Variants in SSH1 observed in about 807,000 individuals in gnomAD.
The protein encoded by SSH1 is slingshot protein phosphatase 1.
A neutral mutation model predicts 79.7 loss-of-function variants in SSH1; 43 were observed. The ratio of observed to expected loss-of-function variants is 0.54; its 90% CI spans 0.42 to 0.70. SSH1 has a LOEUF of 0.70. SSH1 is among the 30% of genes least tolerant of loss of function. The probability of loss-of-function intolerance (pLI) is 0.00; values close to 1 mark genes in which losing one functional copy is unlikely to be tolerated. For missense variants in SSH1, 1,206 were observed against 1,358.8 expected (o/e 0.89, Z 1.77); for synonymous variants, 599 against 538.3 (o/e 1.11, Z -1.56).
intron 10 of SSH1, 74 bp downstream of exon 10, chr12:108,804,982 G>A: frequency 6.4e-7 from 1 of 1,574,660 alleles, no homozygotes; most frequent in Non-Finnish European, 8.7e-7. Context: ...TCCCGGACTT[G>A]CTACAAACTC....
intron 1 of SSH1, among the ~76,000 whole-genome samples, chr12:108,854,120 G>A (rs74649151): frequency 0.033 from 5,045 of 152,302 alleles, 274 homozygotes; most frequent in African/African-American, 0.11. Flanking sequence ...TAACCCAGTG[G>A]TTCTCAATGC....
chr12:108,809,714 G>A lies in SSH1; in HGVS notation c.515C>T (p.Pro172Leu). Residue 172 changes from proline to leucine, a missense_variant, in exon 7 of 15, where the codon CCT (proline) becomes CTT (leucine). This residue lies in a region of SSH1 where 115 missense variants were observed against 173.9 expected (regional missense o/e 0.66). Coordinates refer to ENST00000326495, the MANE Select transcript of SSH1 (RefSeq NM_018984.4). Reference sequence around the variant, plus strand: ...TTACCACATGGCCTGGACAGACACAGGCTTAAATATGTGCATCCTTCCTGC... The same window carrying A: ...TTACCACATGGCCTGGACAGACACAAGCTTAAATATGTGCATCCTTCCTGC... ...STAGRMHIFK[P>L]VSVQAMWSAL... The A allele has an allele frequency of 6.2e-7, 1 of 1,613,984 alleles. No individual in the cohort carries two copies. The highest frequency in any genetic ancestry group is 8.5e-7 in the Non-Finnish European group (1 of 1,179,934).
intron 2 of SSH1, among the ~76,000 whole-genome samples, chr12:108,828,382 C>A (rs372512938): frequency 6.6e-6 from 1 of 152,164 alleles, no homozygotes; most frequent in South Asian, 2.1e-4. Context: ...CTATCTGCCC[C>A]ACGCCCACCT....
chr12:108,828,633 C>T (rs947997721), intron 2 of SSH1, among the ~76,000 whole-genome samples: 7 of 152,072 alleles, frequency 4.6e-5, no homozygotes, highest in South Asian at 2.1e-4. Context: ...GAGACTGTGC[C>T]GGGGTTCTTC....
In SSH1 at chr12:108,787,659, C is replaced by T. The variant is rs766034562; in HGVS notation, c.*329G>A. 25 of 350,222 alleles carry T rather than the reference C, an allele frequency of 7.1e-5. No homozygotes were observed. Among genetic ancestry groups the T allele is most frequent in the East Asian group, 3.3e-4 (5 of 15,060 alleles). The allele number at this position is 350,222 out of a possible 1,614,324, so 21.7% of individuals were successfully genotyped here. A position where few individuals can be genotyped will look rare whatever the true frequency, so the allele number is the denominator to read the frequency against. Reference sequence around the variant, plus strand: ...ACCACCAGGACTCTTCTGCAGGATGCGAAGGGAACAGTCTGGATGTGTGCG... The same window carrying T: ...ACCACCAGGACTCTTCTGCAGGATGTGAAGGGAACAGTCTGGATGTGTGCG... On this transcript the variant is annotated 3_prime_UTR_variant, in exon 15 of 15. Transcript: ENST00000326495.
chr12:108,853,517 G>A (rs975178738), intron 1 of SSH1, among the ~76,000 whole-genome samples: 17 of 152,216 alleles, frequency 1.1e-4, no homozygotes, highest in African/African-American at 3.6e-4. Flanking sequence ...AGGGCTGATC[G>A]AGGACAGAAA....
rs1242210926 is a variant in SSH1, at chr12:108,788,851, C to G, written c.2287G>C (p.Asp763His). The G allele has an allele frequency of 1.2e-6, 2 of 1,614,198 alleles. No homozygotes were observed. Among genetic ancestry groups the G allele is most frequent in the Non-Finnish European group, 1.7e-6 (2 of 1,180,032 alleles). Residue 763 changes from aspartate (D) to histidine (H), a missense_variant, in exon 15 of 15, where the codon GAT becomes CAT. This residue lies in a region of SSH1 where 709 missense variants were observed against 730.6 expected (regional missense o/e 0.97). Coordinates refer to ENST00000326495, the MANE Select transcript of SSH1 (RefSeq NM_018984.4). ...KSLLLKNSHCDKNPPSTEVVI... is the reference protein window; with the variant it reads ...KSLLLKNSHCHKNPPSTEVVI... ...ACTTCTGTGCTGGGAGGGTTCTTAT[C>G]ACAGTGAGAATTCTTCAAAAGGAGG...
intron 10 of SSH1, among the ~76,000 whole-genome samples, chr12:108,803,677 T>C (rs2037130458): frequency 6.6e-6 from 1 of 152,200 alleles, no homozygotes; most frequent in South Asian, 2.1e-4. Flanking sequence ...AAGCTGAGAC[T>C]GTCCTCTTGC....
chr12:108,825,497 T>A (rs1055123847), intron 2 of SSH1, among the ~76,000 whole-genome samples: 1 of 152,240 alleles, frequency 6.6e-6, no homozygotes, highest in Non-Finnish European at 1.5e-5. Context: ...TCTGGTTAAA[T>A]GCTCATGCTA....
rs1565963578 is a variant in SSH1 at position 108,788,323 on chromosome 12, C to T, written c.2815G>A (p.Asp939Asn). The change falls in exon 15 of 15, where the codon GAT becomes AAT. Residue 939 changes from aspartate to asparagine, a missense_variant. Asp to Asn is a conservative substitution (Grantham distance 23). Coordinates refer to ENST00000326495, the MANE Select transcript of SSH1 (RefSeq NM_018984.4). ...SSNLTRSSSS[D>N]SIHSVRGKPG... ...TTCCCACGGACACTGTGGATGCTATCGCTGCTGGAGCTCCGGGTCAGGTTG... is the reference window on the plus strand; with the variant it reads ...TTCCCACGGACACTGTGGATGCTATTGCTGCTGGAGCTCCGGGTCAGGTTG... 7.4e-6 allele frequency: 12 copies of T among 1,613,120 alleles called. No homozygotes were observed. The highest frequency in any genetic ancestry group is 1.7e-5 in the Admixed American group (1 of 59,984).
At position 108,827,615 on chromosome 12, in the gene SSH1, A is replaced by C. The variant is rs1181525328; in HGVS notation, c.111-4254T>G. 3 of 1,194,246 alleles carry C rather than the reference A, an allele frequency of 2.5e-6. No individual in the cohort carries two copies. In the East Asian group the frequency reaches 9.8e-5, roughly 39 times the overall value. The allele number at this position is 1,194,246 out of a possible 1,614,324, so 74.0% of individuals were successfully genotyped here. On this transcript the variant is annotated intron_variant, in intron 2 of 14. Transcript: ENST00000326495. ...TCAGCAAAACAGCTGAGGTTCCTCT[A>C]ATCACTGCACTCCTACGGGCTTTTC...
Position 108,788,801 on chromosome 12 carries a change from G to C in SSH1, c.2337C>G (p.Pro779=). 1 of 1,614,200 alleles carries C rather than the reference G, an allele frequency of 6.2e-7. No individual in the cohort carries two copies. Among genetic ancestry groups the C allele is most frequent in the African/African-American group, 1.3e-5 (1 of 75,044 alleles). Residue 779 remains proline (P), a synonymous_variant, in exon 15 of 15, where the codon CCC becomes CCG. Coordinates refer to ENST00000326495, the MANE Select transcript of SSH1 (RefSeq NM_018984.4). ...CCTTGGCTGGCTTCATATCTTTCTT[G>C]GGTGACGATTCTTCCTTTATTACCA... The part of the protein sequence containing the change: ...TEVVIKEESS[P]KKDMKPAKDL...
chr12:108,787,868 TAGG>T lies in SSH1; in HGVS notation c.*117_*119del. 1 of 1,306,396 alleles carries T rather than the reference TAGG, an allele frequency of 7.7e-7. No homozygotes were observed. The highest frequency in any genetic ancestry group is 1.5e-5 in the African/African-American group (1 of 68,440). The allele number at this position is 1,306,396 out of a possible 1,614,324, so 80.9% of individuals were successfully genotyped here. On this transcript the variant is annotated 3_prime_UTR_variant, in exon 15 of 15. Transcript: ENST00000326495. ...TCTATGGCAAGAGTAGGGGAAAAGT[TAGG>T]ATGACTTCACTCGTTTAAGGGAAAT...
In SSH1 at chr12:108,857,421, G is replaced by A; in HGVS notation, c.69+7C>T. 9.2e-7 allele frequency: 1 copy of A among 1,084,070 alleles called. No individual in the cohort carries two copies. The highest frequency in any genetic ancestry group is 1.7e-5 in the African/African-American group (1 of 59,030). 67.2% of individuals were successfully genotyped at this position (1,084,070 alleles called of 1,614,324 possible). ...CCCAGGCCGGGCGCGGCGAGCCCGG[G>A]GCTCACCTCGCTGTTGCTGGCCGAG... On this transcript the variant is annotated splice_region_variant and intron_variant, in intron 1 of 14. Coordinates refer to ENST00000326495, the MANE Select transcript of SSH1 (RefSeq NM_018984.4). This position sits in a 1 kb window ranked among gnomAD's most constrained non-coding sequence, Gnocchi z 4.7.
rs71443819 is a variant in SSH1 at position 108,802,680 on chromosome 12, TG to T, written c.955-313del. The stretch of plus-strand genomic sequence containing the variant: ...CCCACTTCCTTTCCTAAGAGTCCAG[TG>T]GGGGGGGGTCCTGTAAGCAGAGGCA... On this transcript the variant is annotated intron_variant, in intron 10 of 14. Transcript: ENST00000326495. Among the ~76,000 whole-genome samples the T allele has an allele frequency of 7.9e-3, 1,173 of 149,260 alleles. 14 individuals are homozygous for T. The highest frequency in any genetic ancestry group is 0.024 in the African/African-American group (994 of 40,684).
At chr12:108,830,345 G>A (rs921900157) in intron 2 of SSH1, among the ~76,000 whole-genome samples, 2 of 152,098 alleles carry the variant, frequency 1.3e-5, no homozygotes, top group South Asian at 4.1e-4. Flanking sequence ...CCAGCTTCTT[G>A]GGAAGCTGAG....
rs769450822 is a variant in SSH1, at chr12:108,823,231, G to A, written c.214+27C>T. On this transcript the variant is annotated intron_variant, in intron 3 of 14. Transcript: ENST00000326495. ...TGCTGTCCAGAAAAGAAGCTCCAAT[G>A]TAAGAGTATCAACTTAGAGCCCTCA... is the stretch of plus-strand genomic sequence containing the variant. 1.7e-5 allele frequency: 27 copies of A among 1,547,016 alleles called. No homozygotes were observed. The African/African-American group carries it at 2.4e-4, about 14-fold the overall frequency.
At chr12:108,790,202 GTGCA>G (rs1192801827) in intron 14 of SSH1, among the ~76,000 whole-genome samples, 1 of 151,304 alleles carries the variant, frequency 6.6e-6, no homozygotes, top group African/African-American at 2.4e-5. Flanking sequence ...CCAGGGTGGA[GTGCA>G]ATTGCGTGAT....
chr12:108,795,716 C>T (rs1365258692), intron 13 of SSH1, among the ~76,000 whole-genome samples: 3 of 151,808 alleles, frequency 2.0e-5, no homozygotes, highest in Admixed American at 6.6e-5. Context: ...AAAAATTAAC[C>T]GGGTATTGTG....
Sources: gnomAD v4.1 joint callset for allele counts (sites outside exome capture counted in the v4.1 genomes callset) on GRCh38, gnomAD v4.1.1 for gene constraint, gnomAD v4.1.1 regional missense constraint, Gnocchi (gnomAD v3.1) non-coding constraint, MANE v1.5 for transcripts, NCBI Gene and HGNC (gene_info 2026-07-23, HGNC 2026-07-21) for gene names.